The following DGUOK variants were observed in gnomAD, a reference collection of about 807,000 sequenced individuals.
The protein encoded by DGUOK is deoxyguanosine kinase, mitochondrial.
In DGUOK, 30 loss-of-function variants were observed where a neutral mutation model predicts 36.6. That is an observed-to-expected ratio of 0.82 (90% CI 0.61 to 1.11). The LOEUF (loss-of-function observed/expected upper bound fraction) is 1.11, where lower values mean the gene tolerates loss of function less well. Among genes scored for constraint, DGUOK ranks in the 50% most tolerant of loss-of-function variants. The pLI is 0.00. For missense variants in DGUOK, 361 were observed against 336.4 expected (o/e 1.07, Z -0.57); for synonymous variants, 145 against 126.3 (o/e 1.15, Z -0.99).
chr2:73,954,988 A>C (rs2104987509), intron 4 of DGUOK, among the ~76,000 whole-genome samples: 1 of 152,324 alleles, frequency 6.6e-6, no homozygotes, highest in East Asian at 1.9e-4. Flanking sequence ...GTAAAGCAAG[A>C]GTTATGCCAA....
Position 73,926,932 on chromosome 2 carries a change from C to T in DGUOK, c.22C>T (p.Leu8=). 1 of 1,613,584 alleles carries T rather than the reference C, an allele frequency of 6.2e-7. No individual in the cohort carries two copies. Among genetic ancestry groups the T allele is most frequent in the South Asian group, 1.1e-5 (1 of 91,092 alleles). MAAGRLF[L]SRLRAPFSSM... Reference sequence around the variant, plus strand: ...TGGGATGGCCGCGGGCCGCCTCTTTCTAAGTCGGCTTCGAGCACCCTTCAG... The same window carrying T: ...TGGGATGGCCGCGGGCCGCCTCTTTTTAAGTCGGCTTCGAGCACCCTTCAG... The change falls in exon 1 of 7, where the codon CTA becomes TTA. Residue 8 remains leucine, a synonymous_variant. Coordinates refer to ENST00000264093, the MANE Select transcript of DGUOK (RefSeq NM_080916.3).
rs11306613 is a variant in DGUOK at position 73,943,323 on chromosome 2, A to AT, written c.256-3377dup. On this transcript the variant is annotated intron_variant, in intron 2 of 6. Coordinates refer to ENST00000264093, the MANE Select transcript of DGUOK (RefSeq NM_080916.3). Reference sequence around the variant, plus strand: ...TACCACTGTCCCCATCTACTTAAAAATTTTTTTTTTTTTTTTTTTGTAGAG... The same window carrying AT: ...TACCACTGTCCCCATCTACTTAAAAATTTTTTTTTTTTTTTTTTTTGTAGAG... Among the ~76,000 whole-genome samples the AT allele has an allele frequency of 8.2e-3, 1,167 of 142,662 alleles. 18 individuals carry two copies. Among genetic ancestry groups the AT allele is most frequent in the African/African-American group, 0.025 (949 of 38,484 alleles). 93.6% of individuals were successfully genotyped at this position (142,662 alleles called of 152,430 possible).
At chr2:73,934,474 C>T (rs947209122) in intron 1 of DGUOK, among the ~76,000 whole-genome samples, 21 of 152,088 alleles carry the variant, frequency 1.4e-4, no homozygotes, top group South Asian at 2.1e-4. Context: ...AAAGACAGGC[C>T]GGGCGATGTG....
In DGUOK at chr2:73,950,662, C is replaced by G; in HGVS notation, c.521C>G (p.Ser174Cys). ...IEWHIYQDWH[S>C]FLLWEFASRI... ...TGGCATATCTATCAGGACTGGCATT[C>G]TTTTCTCCTGTGGGAGTTTGCCAGC... Residue 174 changes from serine to cysteine, a missense_variant, in exon 4 of 7, where the codon TCT becomes TGT. Ser to Cys is a moderately radical substitution (Grantham distance 112). Coordinates refer to ENST00000264093, the MANE Select transcript of DGUOK (RefSeq NM_080916.3). 6.2e-7 allele frequency: 1 copy of G among 1,614,196 alleles called. No individual in the cohort carries two copies. Among genetic ancestry groups the G allele is most frequent in the Non-Finnish European group, 8.5e-7 (1 of 1,180,036 alleles).
intron 1 of DGUOK, among the ~76,000 whole-genome samples, chr2:73,931,309 C>T (rs1378357966): frequency 6.6e-6 from 1 of 152,136 alleles, no homozygotes; most frequent in African/African-American, 2.4e-5. Context: ...GAGTCTCATT[C>T]TGTCACCCAG....
chr2:73,942,755 G>A (rs1334895719), intron 2 of DGUOK, among the ~76,000 whole-genome samples: 2 of 152,044 alleles, frequency 1.3e-5, no homozygotes, highest in African/African-American at 2.4e-5. Flanking sequence ...TAGCAGTGAG[G>A]GTAGTTTCCT....
At chr2:73,927,418 C>T (rs541406145) in intron 1 of DGUOK, among the ~76,000 whole-genome samples, 1 of 152,298 alleles carries the variant, frequency 6.6e-6, no homozygotes, top group East Asian at 1.9e-4. Flanking sequence ...AAATAATATC[C>T]AGTTAAAATA....
At chr2:73,951,216 T>C (rs1573561179) in intron 4 of DGUOK, among the ~76,000 whole-genome samples, 1 of 152,286 alleles carries the variant, frequency 6.6e-6, no homozygotes, top group African/African-American at 2.4e-5. Flanking sequence ...GGATGGACTA[T>C]AGCAGTTCCA....
Position 73,930,782 on chromosome 2 carries a change from C to CTTT in DGUOK, c.142+3739_142+3741dup, listed in dbSNP as rs1020072202. On this transcript the variant is annotated intron_variant, in intron 1 of 6. Coordinates refer to ENST00000264093, the MANE Select transcript of DGUOK (RefSeq NM_080916.3). ...GAGAAAACAGATTCGACATAATTTT[C>CTTT]TTTTTTTTTTTCTTTTTTTTTTTTT... 9.4e-5 allele frequency among the ~76,000 whole-genome samples: 9 copies of CTTT among 95,474 alleles called. 1 individual carries two copies. The highest frequency in any genetic ancestry group is 2.4e-4 in the Admixed American group (2 of 8,446). The allele number at this position is 95,474 out of a possible 152,430, so 62.6% of individuals were successfully genotyped here. A position where few individuals can be genotyped will look rare whatever the true frequency, so the allele number is the denominator to read the frequency against.
intron 4 of DGUOK, among the ~76,000 whole-genome samples, 194 bp from the exon 5 acceptor site, chr2:73,956,931 G>A (rs1178746961): frequency 1.3e-5 from 2 of 152,360 alleles, no homozygotes; most frequent in East Asian, 3.9e-4. Flanking sequence ...CAGAGGAAGA[G>A]CAGGTTTAAG....
chr2:73,932,675 C>A lies in DGUOK; in HGVS notation c.142+5623C>A, dbSNP rs149961296. 6.2e-6 allele frequency: 8 copies of A among 1,286,368 alleles called. No individual in the cohort carries two copies. The Admixed American group carries it at 9.4e-5, about 15-fold the overall frequency. The allele number at this position is 1,286,368 out of a possible 1,614,324, so 79.7% of individuals were successfully genotyped here. On this transcript the variant is annotated intron_variant, in intron 1 of 6. Transcript: ENST00000264093. Reference sequence around the variant, plus strand: ...AGGGAAGGTGAACCCCTGTCCTGACCAAAATTGGGTATGTTTAGAGGGCTT... The same window carrying A: ...AGGGAAGGTGAACCCCTGTCCTGACAAAAATTGGGTATGTTTAGAGGGCTT...
At chr2:73,947,623 GCCGTGCAGGCT>G (rs1330933274) in intron 3 of DGUOK, 1 of 155,190 alleles carries the variant, frequency 6.4e-6, no homozygotes, top group Non-Finnish European at 1.4e-5. Flanking sequence ...GAAGAGCTAG[GCCGTGCAGGCT>G]CCGGAATGCC....
At chr2:73,930,987 G>A (rs545789415) in intron 1 of DGUOK, among the ~76,000 whole-genome samples, 7 of 151,646 alleles carry the variant, frequency 4.6e-5, no homozygotes, top group East Asian at 2.0e-4. Context: ...TAGTAGAGAC[G>A]GGGTTTCACC....
Position 73,932,809 on chromosome 2 carries a change from G to T in DGUOK, c.142+5757G>T, listed in dbSNP as rs551513433. 2.4e-5 allele frequency: 9 copies of T among 369,414 alleles called. No individual in the cohort carries two copies. The Admixed American group carries it at 3.6e-4, about 15-fold the overall frequency. 22.9% of individuals were successfully genotyped at this position (369,414 alleles called of 1,614,324 possible). ...AGTAGCAACTAATGGCATCTAGCAT[G>T]ACTTACGAAGCCATATAAGATGTGT... On this transcript the variant is annotated intron_variant, in intron 1 of 6. Transcript: ENST00000264093.
intron 1 of DGUOK, among the ~76,000 whole-genome samples, chr2:73,927,527 AT>A (rs1680695581): frequency 6.6e-6 from 1 of 152,220 alleles, no homozygotes; most frequent in African/African-American, 2.4e-5. Context: ...GAAAGTTCAA[AT>A]TTAACTGTGT....
chr2:73,938,256 C>A (rs918366188), intron 1 of DGUOK, among the ~76,000 whole-genome samples: 1 of 152,106 alleles, frequency 6.6e-6, no homozygotes, highest in Admixed American at 6.6e-5. Flanking sequence ...TTAGGTCTTA[C>A]CTCAGATGTC....
At chr2:73,950,871 TC>T (rs1284459191) in intron 4 of DGUOK, 139 bp downstream of exon 4, 1 of 1,174,564 alleles carries the variant, frequency 8.5e-7, no homozygotes, top group African/African-American at 1.5e-5. Context: ...GGGGACACCC[TC>T]CTGTCCCAGC....
intron 1 of DGUOK, among the ~76,000 whole-genome samples, chr2:73,933,651 A>G (rs928085492): frequency 3.9e-5 from 6 of 152,164 alleles, no homozygotes; most frequent in Non-Finnish European, 7.4e-5. Context: ...AAGGTCATCA[A>G]AGTAAAATGT....
intron 4 of DGUOK, among the ~76,000 whole-genome samples, chr2:73,956,319 G>A (rs1293681765): frequency 6.6e-6 from 1 of 152,152 alleles, no homozygotes; most frequent in African/African-American, 2.4e-5. Context: ...CTGAGTGAAT[G>A]TTTGGTATGA....
Sources: allele counts gnomAD v4.1 joint callset (sites outside exome capture counted in the v4.1 genomes callset), GRCh38; gene constraint gnomAD v4.1.1; transcripts MANE v1.5; gene names NCBI Gene and HGNC (gene_info 2026-07-23, HGNC 2026-07-21).